SCNN1G: variants seen among roughly 807,000 people sequenced by gnomAD.
The protein encoded by SCNN1G is epithelial sodium channel subunit gamma.
A neutral mutation model predicts 64.6 loss-of-function variants in SCNN1G; 27 were observed. That is an observed-to-expected ratio of 0.42 (90% CI 0.31 to 0.58). The LOEUF (loss-of-function observed/expected upper bound fraction) is 0.58. Ranked by LOEUF, SCNN1G falls within the 20% of genes least tolerant of loss-of-function variation. The pLI is 0.18. For missense variants in SCNN1G, 743 were observed against 823.4 expected (o/e 0.90, Z 1.19); for synonymous variants, 330 against 314.2 (o/e 1.05, Z -0.53).
chr16:23,204,324 T>TAC (rs1959950028), intron 6 of SCNN1G, among the ~76,000 whole-genome samples: 2 of 67,524 alleles, frequency 3.0e-5, no homozygotes, highest in Non-Finnish European at 5.8e-5. Flanking sequence ...TATATATATA[T>TAC]ATATATATAT....
At chr16:23,186,775 C>T (rs1320340125) in intron 2 of SCNN1G, among the ~76,000 whole-genome samples, 187 bp downstream of exon 2, 1 of 152,142 alleles carries the variant, frequency 6.6e-6, no homozygotes, top group Non-Finnish European at 1.5e-5. Context: ...TCTGTATGTA[C>T]CAAGTTTTCA....
intron 6 of SCNN1G, among the ~76,000 whole-genome samples, chr16:23,198,747 A>G (rs962152941): frequency 6.6e-6 from 1 of 151,894 alleles, no homozygotes; most frequent in African/African-American, 2.4e-5. Flanking sequence ...TCAAAAACAA[A>G]CAAACAAACA....
intron 5 of SCNN1G, 102 bp from the exon 6 acceptor site, chr16:23,197,162 C>CTGGTCT (rs1394789045): frequency 3.2e-6 from 3 of 937,854 alleles, no homozygotes; most frequent in Middle Eastern, 3.1e-4. Flanking sequence ...CTAGAAATAC[C>CTGGTCT]TGGTCTTGGG....
At position 23,189,425 on chromosome 16, in the gene SCNN1G, C is replaced by T. The variant is rs375017080; in HGVS notation, c.372C>T (p.Ala124=). Residue 124 remains alanine (A), a synonymous_variant, in exon 3 of 13, where the codon GCC becomes GCT. Coordinates refer to ENST00000300061, the MANE Select transcript of SCNN1G (RefSeq NM_001039.4). ...LADLEQETRE[A]LKSLYGFPES... is the part of the protein sequence containing the mutation. Reference sequence around the variant, plus strand: ...ACTTGGAACAGGAGACCAGAGAGGCCCTGAAGTCCCTGTATGGCTTTCCAG... The same window carrying T: ...ACTTGGAACAGGAGACCAGAGAGGCTCTGAAGTCCCTGTATGGCTTTCCAG... 6.2e-7 allele frequency: 1 copy of T among 1,614,154 alleles called. No homozygotes were observed. The highest frequency in any genetic ancestry group is 8.5e-7 in the Non-Finnish European group (1 of 1,180,042).
intron 5 of SCNN1G, chr16:23,194,778 A>G (rs1959770055): frequency 5.5e-6 from 1 of 182,860 alleles, no homozygotes; most frequent in Non-Finnish European, 1.2e-5. Flanking sequence ...ATGTGAGATT[A>G]CTGACAGGAC....
At position 23,189,481 on chromosome 16, in the gene SCNN1G, G is replaced by C; in HGVS notation, c.428G>C (p.Trp143Ser). ...CGGAAGCGCCGAGAGGCGGAGTCCT[G>C]GAACTCCGTCTCAGAGGGAAAGCAG... is the stretch of plus-strand genomic sequence containing the variant. ...ESRKRREAESWNSVSEGKQPR... is the reference protein window; with the variant it reads ...ESRKRREAESSNSVSEGKQPR... Residue 143 changes from tryptophan (W) to serine (S), a missense_variant, in exon 3 of 13, where the codon TGG (tryptophan) becomes TCG (serine). Transcript: ENST00000300061. 1 of 1,614,208 alleles carries C rather than the reference G, an allele frequency of 6.2e-7. No homozygotes were observed. Among genetic ancestry groups the C allele is most frequent in the East Asian group, 2.2e-5 (1 of 44,880 alleles).
intron 4 of SCNN1G, 66 bp downstream of exon 4, chr16:23,192,608 A>G: frequency 7.6e-7 from 1 of 1,309,502 alleles, no homozygotes; most frequent in Non-Finnish European, 1.1e-6. Context: ...GGCCCCTTGC[A>G]GGAACCTACA....
chr16:23,187,781 C>T (rs1466614999), intron 2 of SCNN1G, among the ~76,000 whole-genome samples: 2 of 152,186 alleles, frequency 1.3e-5, no homozygotes, highest in African/African-American at 4.8e-5. Flanking sequence ...CTAAATGGGT[C>T]ATCAGAGTCC....
In SCNN1G at chr16:23,214,927, G is replaced by A. The variant is rs67914754; in HGVS notation, c.1569+140G>A. The A allele has an allele frequency of 0.016, 17,946 of 1,091,520 alleles. 222 individuals are homozygous for A. Among genetic ancestry groups the A allele is most frequent in the Non-Finnish European group, 0.021 (14,994 of 723,688 alleles). 67.6% of individuals were successfully genotyped at this position (1,091,520 alleles called of 1,614,324 possible). The stretch of plus-strand genomic sequence containing the variant: ...TTGTAGGCTAGCCAGGTCTCAGGTC[G>A]GAATGCACAGAGTAAGAGGAAACAG... On this transcript the variant is annotated intron_variant, in intron 12 of 12. Coordinates refer to ENST00000300061, the MANE Select transcript of SCNN1G (RefSeq NM_001039.4).
chr16:23,213,845 T>C (rs770727613), intron 11 of SCNN1G, among the ~76,000 whole-genome samples: 4 of 152,300 alleles, frequency 2.6e-5, no homozygotes, highest in Non-Finnish European at 4.4e-5. Flanking sequence ...AAAATAGACT[T>C]TGACCAAGCA....
chr16:23,194,226 A>G lies in SCNN1G; in HGVS notation c.865A>G (p.Arg289Gly). 2 of 1,613,972 alleles carry G rather than the reference A, an allele frequency of 1.2e-6. No individual in the cohort carries two copies. Among genetic ancestry groups the G allele is most frequent in the Non-Finnish European group, 1.7e-6 (2 of 1,179,906 alleles). ...MHGNCYTFNN[R>G]ENETILSTSM... ...TGGGAATTGCTATACTTTCAACAACAGAGAAAATGAGACCATTCTCAGCAC... is the reference window on the plus strand; with the variant it reads ...TGGGAATTGCTATACTTTCAACAACGGAGAAAATGAGACCATTCTCAGCAC... Residue 289 changes from arginine to glycine, a missense_variant, in exon 5 of 13, where the codon AGA (arginine) becomes GGA (glycine). Arg to Gly is a moderately radical substitution (Grantham distance 125). Transcript: ENST00000300061.
At chr16:23,201,199 C>A (rs1352262426) in intron 6 of SCNN1G, among the ~76,000 whole-genome samples, 2 of 152,130 alleles carry the variant, frequency 1.3e-5, no homozygotes, top group Non-Finnish European at 2.9e-5. Context: ...CAGACATGTC[C>A]CACACACTTT....
intron 3 of SCNN1G, among the ~76,000 whole-genome samples, chr16:23,190,468 G>T (rs1677308782): frequency 6.6e-6 from 1 of 152,182 alleles, no homozygotes; most frequent in Non-Finnish European, 1.5e-5. Context: ...GATCTGGGTA[G>T]CAAGAAATGA....
intron 1 of SCNN1G, among the ~76,000 whole-genome samples, chr16:23,184,748 G>GA (rs35147789): frequency 0.21 from 31,423 of 151,744 alleles, 3,622 homozygotes; most frequent in Admixed American, 0.31. Context: ...TTCAGGGTGG[G>GA]AAAAAAAGAC....
rs1425102710 is a variant in SCNN1G, at chr16:23,189,511, G to A, written c.458G>A (p.Arg153Lys). ...TCCGTCTCAGAGGGAAAGCAGCCTA[G>A]ATTCTCCCACCGGATTCCGCTGCTG... ...WNSVSEGKQP[R>K]FSHRIPLLIF... Residue 153 changes from arginine to lysine, a missense_variant, in exon 3 of 13, where the codon AGA becomes AAA. Coordinates refer to ENST00000300061, the MANE Select transcript of SCNN1G (RefSeq NM_001039.4). 6.2e-7 allele frequency: 1 copy of A among 1,614,122 alleles called. No homozygotes were observed. Among genetic ancestry groups the A allele is most frequent in the African/African-American group, 1.3e-5 (1 of 74,934 alleles).
intron 1 of SCNN1G, among the ~76,000 whole-genome samples, chr16:23,184,108 G>C (rs762098709): frequency 2.0e-5 from 3 of 152,228 alleles, no homozygotes; most frequent in Non-Finnish European, 4.4e-5. Flanking sequence ...GGTAGCTACA[G>C]TCTTGTTTTG....
intron 6 of SCNN1G, among the ~76,000 whole-genome samples, chr16:23,208,482 C>T (rs1487752913): frequency 4.6e-5 from 7 of 152,054 alleles, no homozygotes; most frequent in Non-Finnish European, 7.4e-5. Flanking sequence ...AGAAAGTCAA[C>T]ATCCTTCAAG....
At chr16:23,183,930 G>C (rs567819313) in intron 1 of SCNN1G, among the ~76,000 whole-genome samples, 1 of 152,124 alleles carries the variant, frequency 6.6e-6, no homozygotes, top group Admixed American at 6.5e-5. Flanking sequence ...ACCTGTCAGC[G>C]TCTGTTTCAT....
intron 2 of SCNN1G, among the ~76,000 whole-genome samples, chr16:23,187,723 G>A (rs1007602198): frequency 2.0e-5 from 3 of 152,110 alleles, no homozygotes; most frequent in Non-Finnish European, 4.4e-5. Flanking sequence ...CGGGCCCTGG[G>A]TGTGATCAGC....
Sources: allele counts gnomAD v4.1 joint callset (sites outside exome capture counted in the v4.1 genomes callset), GRCh38; gene constraint gnomAD v4.1.1; transcripts MANE v1.5; gene names NCBI Gene and HGNC (gene_info 2026-07-23, HGNC 2026-07-21).